ZNF267: variants seen among roughly 807,000 people sequenced by gnomAD.
ZNF267 encodes the protein zinc finger protein 267, also known as zinc finger (C2H2).
Under a neutral mutation model 71.6 loss-of-function variants are expected in ZNF267, and 61 were observed. The ratio of observed to expected loss-of-function variants is 0.85; its 90% CI spans 0.69 to 1.05. The LOEUF (loss-of-function observed/expected upper bound fraction) is 1.05, where lower values mean the gene tolerates loss of function less well. Ranked by LOEUF, ZNF267 falls within the 50% of genes least tolerant of loss-of-function variation. The pLI is 0.00. For missense variants in ZNF267, 852 were observed against 870.0 expected, an observed-to-expected ratio of 0.98 and a Z score of 0.26; for synonymous variants, 288 against 293.2, an observed-to-expected ratio of 0.98 and a Z score of 0.18.
chr16:31,891,458 A>G (rs2083959838), intron 3 of ZNF267, among the ~76,000 whole-genome samples: 1 of 151,934 alleles, frequency 6.6e-6, no homozygotes, highest in Admixed American at 6.6e-5. Context: ...TGTGTTTTTC[A>G]TTAGCATTTG....
At chr16:31,908,277 G>T (rs1410844460) in intron 3 of ZNF267, among the ~76,000 whole-genome samples, 4 of 152,106 alleles carry the variant, frequency 2.6e-5, no homozygotes, top group African/African-American at 9.7e-5. Context: ...AGTTGTTTGA[G>T]CTCCTTACAT....
At chr16:31,908,406 CA>C (rs1354703291) in intron 3 of ZNF267, among the ~76,000 whole-genome samples, 3 of 152,132 alleles carry the variant, frequency 2.0e-5, no homozygotes, top group African/African-American at 7.2e-5. Context: ...TTTAACTTGA[CA>C]TGATCCCATA....
intron 3 of ZNF267, chr16:31,912,761 AT>A (rs902015018): frequency 1.3e-5 from 2 of 151,420 alleles, no homozygotes; most frequent in Non-Finnish European, 2.9e-5. Flanking sequence ...AAGCTCAATA[AT>A]TTTTTCTTTT....
intron 3 of ZNF267, among the ~76,000 whole-genome samples, chr16:31,888,932 T>C (rs1452543196): frequency 6.6e-6 from 1 of 152,072 alleles, no homozygotes; most frequent in Non-Finnish European, 1.5e-5. Context: ...AGTCATTTGG[T>C]CATGGGATTT....
chr16:31,881,670 CTTTTT>C (rs747627467), intron 1 of ZNF267, among the ~76,000 whole-genome samples: 1 of 125,532 alleles, frequency 8.0e-6, no homozygotes, highest in Non-Finnish European at 1.7e-5. Context: ...TTTTCTTCTT[CTTTTT>C]TTTTTTTTTT....
In ZNF267 at chr16:31,916,448, A is replaced by G. The variant is rs2084179045; in HGVS notation, c.2199A>G (p.Ala733=). The change falls in exon 4 of 4, where the codon GCA becomes GCG. Residue 733 remains alanine (A), a synonymous_variant. Transcript: ENST00000300870. ...TTAACTCTAGGTCATACCTCATTGC[A>G]CATCAGAGAAGTCATACTAGAGAAA... ...KAFNSRSYLI[A]HQRSHTREKL is the part of the protein sequence containing the mutation. 7 of 1,613,256 alleles carry G rather than the reference A, an allele frequency of 4.3e-6. No homozygotes were observed. In the East Asian group the frequency reaches 1.1e-4, roughly 26 times the overall value.
intron 3 of ZNF267, among the ~76,000 whole-genome samples, chr16:31,906,760 C>T (rs932572959): frequency 2.0e-5 from 3 of 151,936 alleles, no homozygotes; most frequent in Admixed American, 6.5e-5. Flanking sequence ...CTTCGGCTCA[C>T]GCACGGTGGG....
intron 3 of ZNF267, among the ~76,000 whole-genome samples, chr16:31,897,674 A>T (rs773518358): frequency 2.0e-5 from 3 of 152,138 alleles, no homozygotes; most frequent in Non-Finnish European, 4.4e-5. Flanking sequence ...GAATCTGTAA[A>T]TCACCTTGGA....
At chr16:31,892,970 C>CT (rs1314144356) in intron 3 of ZNF267, among the ~76,000 whole-genome samples, 3 of 152,246 alleles carry the variant, frequency 2.0e-5, no homozygotes, top group African/African-American at 7.2e-5. Context: ...CTCCACTAGG[C>CT]TGTGCCCAAG....
intron 3 of ZNF267, among the ~76,000 whole-genome samples, chr16:31,888,953 G>A (rs1442632197): frequency 6.6e-6 from 1 of 151,618 alleles, no homozygotes; most frequent in Admixed American, 6.6e-5. Flanking sequence ...TTTTTAAATT[G>A]GAAGATTTCT....
At chr16:31,891,625 G>A in intron 3 of ZNF267, among the ~76,000 whole-genome samples, 1 of 152,150 alleles carries the variant, frequency 6.6e-6, no homozygotes, top group East Asian at 1.9e-4. Flanking sequence ...CACGAGATCT[G>A]ATGGTTTTAT....
At chr16:31,883,508 C>T (rs1267497384) in intron 1 of ZNF267, among the ~76,000 whole-genome samples, 1 of 152,138 alleles carries the variant, frequency 6.6e-6, no homozygotes, top group Non-Finnish European at 1.5e-5. Flanking sequence ...TCTGAACATT[C>T]TGTTAAGGTT....
At chr16:31,905,304 C>A (rs1374740983) in intron 3 of ZNF267, among the ~76,000 whole-genome samples, 1 of 152,094 alleles carries the variant, frequency 6.6e-6, no homozygotes, top group Non-Finnish European at 1.5e-5. Flanking sequence ...GTGGCATTCT[C>A]TATATTTCCT....
At position 31,916,731 on chromosome 16, in the gene ZNF267, T is replaced by C; in HGVS notation, c.*250T>C. The C allele has an allele frequency of 2.5e-6, 1 of 397,004 alleles. No individual in the cohort carries two copies. The highest frequency in any genetic ancestry group is 4.2e-5 in the East Asian group (1 of 23,810). The allele number at this position is 397,004 out of a possible 1,614,324, so 24.6% of individuals were successfully genotyped here. On this transcript the variant is annotated 3_prime_UTR_variant, in exon 4 of 4. Transcript: ENST00000300870. ...CCATACTAGAGAAACACTATAGATG[T>C]AAAAATGTGAAAAGTTTTATTCAAA...
chr16:31,913,220 T>C (rs1232792107), intron 3 of ZNF267: 1 of 152,170 alleles, frequency 6.6e-6, no homozygotes, highest in African/African-American at 2.4e-5. Context: ...AGAGGTACCA[T>C]GTGGTTGGTC....
At chr16:31,905,020 G>T (rs1397378485) in intron 3 of ZNF267, among the ~76,000 whole-genome samples, 6 of 151,996 alleles carry the variant, frequency 3.9e-5, no homozygotes, top group African/African-American at 1.2e-4. Context: ...GTCTGTAAAG[G>T]ATTTTATTTC....
At chr16:31,888,426 G>A (rs138963941) in intron 3 of ZNF267, among the ~76,000 whole-genome samples, 1 of 151,986 alleles carries the variant, frequency 6.6e-6, no homozygotes, top group Non-Finnish European at 1.5e-5. Flanking sequence ...GTTGAGATTG[G>A]GCACCTCTGT....
chr16:31,909,205 C>T (rs941889105), intron 3 of ZNF267, among the ~76,000 whole-genome samples: 2 of 141,060 alleles, frequency 1.4e-5, no homozygotes, highest in African/African-American at 5.2e-5. Context: ...CGGCTCGGCT[C>T]ACTGCAACCT....
chr16:31,889,914 A>G (rs2083948643), intron 3 of ZNF267, among the ~76,000 whole-genome samples: 1 of 152,196 alleles, frequency 6.6e-6, no homozygotes, highest in South Asian at 2.1e-4. Flanking sequence ...TCCACACTGT[A>G]TCACACACAT....
Sources: gnomAD v4.1 joint callset for allele counts (sites outside exome capture counted in the v4.1 genomes callset) on GRCh38, gnomAD v4.1.1 for gene constraint, MANE v1.5 for transcripts, NCBI Gene and HGNC (gene_info 2026-07-23, HGNC 2026-07-21) for gene names.